Variants in CADPS2 observed in about 807,000 individuals in gnomAD.
CADPS2 encodes calcium-dependent secretion activator 2.
A neutral mutation model predicts 172.5 loss-of-function variants in CADPS2; 93 were observed. That is an observed-to-expected ratio of 0.54 (90% confidence interval 0.46 to 0.64). CADPS2 has a LOEUF of 0.64. CADPS2 is among the 30% of genes least tolerant of loss of function. CADPS2 has a pLI of 0.00. For synonymous variants in CADPS2, 546 were observed against 555.2 expected (o/e 0.98, Z 0.23); for missense variants, 1,420 against 1,565.9 (o/e 0.91, Z 1.57).
chr7:122,749,524 C>T (rs570673233), intron 1 of CADPS2, among the ~76,000 whole-genome samples: 4 of 152,004 alleles, frequency 2.6e-5, no homozygotes, highest in Non-Finnish European at 5.9e-5. Context: ...CTGCTCAGTA[C>T]CTAAAACAGA....
chr7:122,731,766 C>T (rs1562881371), intron 2 of CADPS2, among the ~76,000 whole-genome samples: 1 of 151,554 alleles, frequency 6.6e-6, no homozygotes, highest in Non-Finnish European at 1.5e-5. Flanking sequence ...TTATAACTGC[C>T]AACTTTTATT....
intron 8 of CADPS2, among the ~76,000 whole-genome samples, chr7:122,534,041 C>T (rs2062008669): frequency 6.6e-6 from 1 of 152,128 alleles, no homozygotes; most frequent in African/African-American, 2.4e-5. Context: ...AGGCACATCA[C>T]ATTCAACTCC....
chr7:122,425,065 G>A lies in CADPS2; in HGVS notation c.2477-8901C>T, dbSNP rs10251678. Among the ~76,000 whole-genome samples, 1,507 of 151,862 alleles carry A rather than the reference G, an allele frequency of 9.9e-3. 24 individuals carry two copies. Among genetic ancestry groups the A allele is most frequent in the African/African-American group, 0.035 (1,434 of 41,396 alleles). On this transcript the variant is annotated intron_variant, in intron 17 of 29. Coordinates refer to ENST00000449022, the MANE Select transcript of CADPS2 (RefSeq NM_017954.11). ...CGTGATCATGTCTCACTGCAGCCTC[G>A]AACCCCCAGGCCCCAGGCCCAAGCA... is the stretch of plus-strand genomic sequence containing the variant.
At chr7:122,422,335 A>G (rs2048617389) in intron 17 of CADPS2, among the ~76,000 whole-genome samples, 1 of 152,162 alleles carries the variant, frequency 6.6e-6, no homozygotes, top group African/African-American at 2.4e-5. Context: ...AATTTCTTCT[A>G]CGTGGAACCC....
At chr7:122,751,473 A>G (rs1417952301) in intron 1 of CADPS2, among the ~76,000 whole-genome samples, 1 of 152,208 alleles carries the variant, frequency 6.6e-6, no homozygotes, top group Non-Finnish European at 1.5e-5. Flanking sequence ...GATATCCAGG[A>G]CAATTCTCCC....
chr7:122,618,187 T>C (rs2075176123), intron 5 of CADPS2, among the ~76,000 whole-genome samples: 2 of 152,218 alleles, frequency 1.3e-5, no homozygotes, highest in African/African-American at 4.8e-5. Context: ...GGCTCATCTC[T>C]TGCTTTAATA....
intron 2 of CADPS2, among the ~76,000 whole-genome samples, chr7:122,735,191 A>G (rs1195868400): frequency 6.6e-6 from 1 of 152,070 alleles, no homozygotes. Flanking sequence ...AGTCCATTCT[A>G]TTTTGGGGCA....
chr7:122,645,298 CACAT>C (rs2078214540), intron 3 of CADPS2, among the ~76,000 whole-genome samples: 1 of 134,610 alleles, frequency 7.4e-6, no homozygotes, highest in African/African-American at 2.7e-5. Context: ...TACATATATA[CACAT>C]ATGTACATGT....
rs534793156 is a variant in CADPS2 at position 122,745,456 on chromosome 7, G to A, written c.340-8388C>T. Among the ~76,000 whole-genome samples, 28 of 151,682 alleles carry A rather than the reference G, an allele frequency of 1.8e-4. No individual in the cohort carries two copies. The South Asian group carries it at 4.6e-3, about 25-fold the overall frequency. On this transcript the variant is annotated intron_variant, in intron 1 of 29. Coordinates refer to ENST00000449022, the MANE Select transcript of CADPS2 (RefSeq NM_017954.11). ...TTCTTTCCGATTACCATATTATTCC[G>A]TTTCCCTCACAGCTACAGACTTCTT...
At chr7:122,791,542 C>T (rs1335203846) in intron 1 of CADPS2, among the ~76,000 whole-genome samples, 1 of 152,072 alleles carries the variant, frequency 6.6e-6, no homozygotes, top group Non-Finnish European at 1.5e-5. Context: ...TTTTCAAACA[C>T]AATCTGGAGA....
intron 8 of CADPS2, among the ~76,000 whole-genome samples, chr7:122,534,738 A>G (rs1396483778): frequency 6.6e-6 from 1 of 152,142 alleles, no homozygotes; most frequent in East Asian, 1.9e-4. Flanking sequence ...TGACATGAAG[A>G]AAGATTTAAA....
At chr7:122,831,083 T>G (rs1806398256) in intron 1 of CADPS2, among the ~76,000 whole-genome samples, 1 of 152,218 alleles carries the variant, frequency 6.6e-6, no homozygotes, top group Admixed American at 6.5e-5. Flanking sequence ...GTTTAGAAGT[T>G]GTGCTAGAAG....
chr7:122,333,083 A>G (rs1290903324), intron 28 of CADPS2, among the ~76,000 whole-genome samples: 2 of 152,194 alleles, frequency 1.3e-5, no homozygotes, highest in Admixed American at 1.3e-4. Context: ...GCTCATTGAT[A>G]AATCCAGTTA....
At chr7:122,770,507 G>A (rs1201458187) in intron 1 of CADPS2, among the ~76,000 whole-genome samples, 1 of 152,116 alleles carries the variant, frequency 6.6e-6, no homozygotes, top group African/African-American at 2.4e-5. Flanking sequence ...CAACTCACAA[G>A]GTTCCCTGAC....
chr7:122,664,983 G>GATAT (rs1366184223), intron 2 of CADPS2, among the ~76,000 whole-genome samples: 1 of 136,316 alleles, frequency 7.3e-6, no homozygotes, highest in East Asian at 2.1e-4. Context: ...TTTTTTTGTA[G>GATAT]ATATGGGGTC....
At chr7:122,553,145 T>C (rs900251149) in intron 8 of CADPS2, among the ~76,000 whole-genome samples, 2 of 152,150 alleles carry the variant, frequency 1.3e-5, no homozygotes, top group African/African-American at 4.8e-5. Context: ...TCAGGTATTA[T>C]TTCTCCCAGG....
At chr7:122,789,319 A>G (rs950221560) in intron 1 of CADPS2, among the ~76,000 whole-genome samples, 3 of 152,136 alleles carry the variant, frequency 2.0e-5, no homozygotes, top group African/African-American at 7.2e-5. Context: ...TATCTCCCCC[A>G]AGGCCAGCAC....
chr7:122,423,005 CTT>C (rs1419811379), intron 17 of CADPS2, among the ~76,000 whole-genome samples: 1 of 152,002 alleles, frequency 6.6e-6, no homozygotes, highest in Admixed American at 6.6e-5. Flanking sequence ...CCATAAGTCC[CTT>C]TAGTCTACCT....
At chr7:122,802,638 GAGCT>G (rs1016422124) in intron 1 of CADPS2, among the ~76,000 whole-genome samples, 2 of 152,180 alleles carry the variant, frequency 1.3e-5, no homozygotes, top group Non-Finnish European at 2.9e-5. Context: ...TATGTTCCAA[GAGCT>G]CAGAAATCAT....
Sources: gnomAD v4.1 joint callset for allele counts (sites outside exome capture counted in the v4.1 genomes callset) on GRCh38, gnomAD v4.1.1 for gene constraint, MANE v1.5 for transcripts, NCBI Gene and HGNC (gene_info 2026-07-23, HGNC 2026-07-21) for gene names.